Variants in DPYSL4 observed in about 807,000 individuals in gnomAD.
DPYSL4 encodes the protein dihydropyrimidinase-related protein 4.
A neutral mutation model predicts 63.4 loss-of-function variants in DPYSL4; 43 were observed. The ratio of observed to expected loss-of-function variants is 0.68; its 90% confidence interval spans 0.53 to 0.88. The LOEUF (loss-of-function observed/expected upper bound fraction) is 0.88. DPYSL4 is among the 40% of genes least tolerant of loss of function. The pLI is 0.00. For missense variants in DPYSL4, 733 were observed against 819.5 expected (o/e 0.89, Z 1.29); for synonymous variants, 353 against 331.7 (o/e 1.06, Z -0.70).
intron 1 of DPYSL4, 67 bp downstream of exon 1, chr10:132,187,169 C>T (rs940307357): frequency 2.0e-5 from 25 of 1,256,460 alleles, no homozygotes; most frequent in Non-Finnish European, 2.6e-5. Context: ...GGACGCCGGG[C>T]GGACCCTCCT....
chr10:132,187,805 C>A (rs367678684), intron 1 of DPYSL4, among the ~76,000 whole-genome samples: 1 of 152,220 alleles, frequency 6.6e-6, no homozygotes, highest in African/African-American at 2.4e-5. Flanking sequence ...CCACACGCAC[C>A]GGCGCGGGAG....
intron 13 of DPYSL4, 35 bp from the exon 14 acceptor site, chr10:132,204,804 T>G: frequency 6.4e-7 from 1 of 1,566,722 alleles, no homozygotes; most frequent in Non-Finnish European, 8.7e-7. Flanking sequence ...TGCCCCTGCC[T>G]CATTCTCCCC....
Position 132,187,026 on chromosome 10 carries a change from C to A in DPYSL4, c.-38C>A. 1.8e-6 allele frequency: 1 copy of A among 551,296 alleles called. No homozygotes were observed. The highest frequency in any genetic ancestry group is 2.5e-6 in the Non-Finnish European group (1 of 396,490). The allele number at this position is 551,296 out of a possible 1,614,324, so 34.2% of individuals were successfully genotyped here. A position where few individuals can be genotyped will look rare whatever the true frequency, so the allele number is the denominator to read the frequency against. On this transcript the variant is annotated 5_prime_UTR_variant, in exon 1 of 14. Transcript: ENST00000338492. ...GCCCGCCCGCCCGCCCGCCCGCCCCCGCTTGTGCCGCCCCTACCAGAGACC... is the reference window on the plus strand; with the variant it reads ...GCCCGCCCGCCCGCCCGCCCGCCCCAGCTTGTGCCGCCCCTACCAGAGACC...
At position 132,186,994 on chromosome 10, in the gene DPYSL4, T is replaced by TCCG. The variant is rs1304489463; in HGVS notation, c.-68_-67insGCC. Reference sequence around the variant, plus strand: ...CCACGCACGCGTCCCGGCTCACGCGTCCCCCCGCCCGCCCGCCCGCCCGCC... The same window carrying TCCG: ...CCACGCACGCGTCCCGGCTCACGCGTCCGCCCCCCGCCCGCCCGCCCGCCCGCC... On this transcript the variant is annotated 5_prime_UTR_variant, in exon 1 of 14. Transcript: ENST00000338492. 14 of 218,992 alleles carry TCCG rather than the reference T, an allele frequency of 6.4e-5. No individual in the cohort carries two copies. The highest frequency in any genetic ancestry group is 4.5e-4 in the South Asian group (6 of 13,470). 13.6% of individuals were successfully genotyped at this position (218,992 alleles called of 1,614,324 possible).
rs1197663847 is a variant in DPYSL4 at position 132,205,012 on chromosome 10, A to ATTTTC, written c.*87_*91dup. 8.6e-7 allele frequency: 1 copy of ATTTTC among 1,167,786 alleles called. No individual in the cohort carries two copies. The highest frequency in any genetic ancestry group is 1.6e-5 in the African/African-American group (1 of 63,850). 72.3% of individuals were successfully genotyped at this position (1,167,786 alleles called of 1,614,324 possible). ...CAGGGCACTCGCCCCCCTCCTTAGCATTTTCTTTTGTAGAAGTTTCTCGAA... is the reference window on the plus strand; with the variant it reads ...CAGGGCACTCGCCCCCCTCCTTAGCATTTTCTTTTCTTTTGTAGAAGTTTCTCGAA... On this transcript the variant is annotated 3_prime_UTR_variant, in exon 14 of 14. Coordinates refer to ENST00000338492, the MANE Select transcript of DPYSL4 (RefSeq NM_006426.3).
chr10:132,205,558 C>T lies in DPYSL4; in HGVS notation c.*628C>T, dbSNP rs1257775107. The T allele has an allele frequency of 6.6e-6, 1 of 152,536 alleles. No homozygotes were observed. Among genetic ancestry groups the T allele is most frequent in the Non-Finnish European group, 1.5e-5 (1 of 68,108 alleles). The allele number at this position is 152,536 out of a possible 1,614,324, so 9.4% of individuals were successfully genotyped here. A position where few individuals can be genotyped will look rare whatever the true frequency, so the allele number is the denominator to read the frequency against. ...GCCCACACCTAAGCTTCCATGTAGCCCTCATCCAGGGAAGTTTTGCGATCC... is the reference window on the plus strand; with the variant it reads ...GCCCACACCTAAGCTTCCATGTAGCTCTCATCCAGGGAAGTTTTGCGATCC... On this transcript the variant is annotated 3_prime_UTR_variant, in exon 14 of 14. Transcript: ENST00000338492.
rs1314556646 is a variant in DPYSL4, at chr10:132,200,360, G to C, written c.816G>C (p.Val272=). Reference sequence around the variant, plus strand: ...CTCATGGGCCTCGTGCTGCAGGGGTGGTCGTGTTTGGGGAGCCCATCACCG... The same window carrying C: ...CTCATGGGCCTCGTGCTGCAGGGGTCGTCGTGTTTGGGGAGCCCATCACCG... ...DAIAQAKRRG[V]VVFGEPITAS... Residue 272 remains valine (V), a synonymous_variant, in exon 9 of 14, where the codon GTG becomes GTC. Transcript: ENST00000338492. The C allele has an allele frequency of 1.9e-6, 3 of 1,613,098 alleles. No homozygotes were observed. Among genetic ancestry groups the C allele is most frequent in the Non-Finnish European group, 1.7e-6 (2 of 1,179,880 alleles).
chr10:132,197,776 G>A (rs534939797), intron 6 of DPYSL4, among the ~76,000 whole-genome samples: 2 of 152,308 alleles, frequency 1.3e-5, no homozygotes, highest in African/African-American at 2.4e-5. Context: ...GTGGCACTCG[G>A]GCAGGGGCAT....
At chr10:132,187,864 G>C (rs1251412611) in intron 1 of DPYSL4, among the ~76,000 whole-genome samples, 1 of 152,202 alleles carries the variant, frequency 6.6e-6, no homozygotes, top group Admixed American at 6.5e-5. Context: ...GGGGGGAGAT[G>C]GGGGTGGGAG....
chr10:132,198,529 G>A (rs764967249), intron 7 of DPYSL4, 46 bp downstream of exon 7: 15 of 1,536,406 alleles, frequency 9.8e-6, no homozygotes, highest in Non-Finnish European at 1.2e-5. Flanking sequence ...ACTCCGCCCA[G>A]ACCACTGCTG....
At chr10:132,203,951 T>G (rs1438284500) in intron 13 of DPYSL4, 24 bp downstream of exon 13, 4 of 1,581,018 alleles carry the variant, frequency 2.5e-6, no homozygotes, top group Non-Finnish European at 3.5e-6. Context: ...GGGGCACCAG[T>G]GGGGGTGAGG....
chr10:132,205,181 A>C lies in DPYSL4; in HGVS notation c.*251A>C. On this transcript the variant is annotated 3_prime_UTR_variant, in exon 14 of 14. Coordinates refer to ENST00000338492, the MANE Select transcript of DPYSL4 (RefSeq NM_006426.3). Reference sequence around the variant, plus strand: ...GAGGTGGAGCCACATGGCAGGGACAATGCCGGCAGCCTGAGCCCAGGCACC... The same window carrying C: ...GAGGTGGAGCCACATGGCAGGGACACTGCCGGCAGCCTGAGCCCAGGCACC... 1 of 337,008 alleles carries C rather than the reference A, an allele frequency of 3.0e-6. No homozygotes were observed. Among genetic ancestry groups the C allele is most frequent in the Non-Finnish European group, 5.4e-6 (1 of 185,934 alleles). 20.9% of individuals were successfully genotyped at this position (337,008 alleles called of 1,614,324 possible).
intron 3 of DPYSL4, among the ~76,000 whole-genome samples, chr10:132,193,565 C>T (rs1590092589): frequency 6.6e-6 from 1 of 152,346 alleles, no homozygotes; most frequent in East Asian, 1.9e-4. Flanking sequence ...CACTGTGTGG[C>T]CTTGGGTGCC....
At chr10:132,203,325 G>A (rs1267336753) in intron 12 of DPYSL4, among the ~76,000 whole-genome samples, 3 of 152,108 alleles carry the variant, frequency 2.0e-5, no homozygotes, top group African/African-American at 4.8e-5. Context: ...GTGACGCCAC[G>A]CTTGCCCGGC....
intron 4 of DPYSL4, among the ~76,000 whole-genome samples, chr10:132,196,571 G>T (rs1271739579): frequency 6.6e-6 from 1 of 152,270 alleles, no homozygotes; most frequent in Non-Finnish European, 1.5e-5. Context: ...CTGCTGGATG[G>T]GTGTGAGGGG....
chr10:132,202,349 G>A (rs528640821), intron 11 of DPYSL4, among the ~76,000 whole-genome samples: 37 of 152,362 alleles, frequency 2.4e-4, no homozygotes, highest in African/African-American at 5.3e-4. Context: ...GAGGAGGCTG[G>A]GGCAGAGCGG....
intron 13 of DPYSL4, 42 bp from the exon 14 acceptor site, chr10:132,204,797 C>T (rs371740141): frequency 2.6e-6 from 4 of 1,552,154 alleles, no homozygotes; most frequent in African/African-American, 2.7e-5. Context: ...GGGCCCCTGC[C>T]CCTGCCTCAT....
intron 4 of DPYSL4, 109 bp from the exon 5 acceptor site, chr10:132,196,752 C>T (rs1385347218): frequency 2.5e-5 from 31 of 1,263,918 alleles, no homozygotes; most frequent in Admixed American, 1.6e-4. Flanking sequence ...GGAAGCACTG[C>T]GGGGGAGGGG....
chr10:132,203,519 A>G (rs1188521712), intron 12 of DPYSL4: 5 of 544,416 alleles, frequency 9.2e-6, no homozygotes, highest in Non-Finnish European at 1.6e-5. Flanking sequence ...ACACACATGC[A>G]GATGGGACCG....
Sources: allele counts gnomAD v4.1 joint callset (sites outside exome capture counted in the v4.1 genomes callset), GRCh38; gene constraint gnomAD v4.1.1; transcripts MANE v1.5; gene names NCBI Gene and HGNC (gene_info 2026-07-23, HGNC 2026-07-21).